Variants in IMP4 observed in about 807,000 individuals in gnomAD.
IMP4 encodes the protein IMP U3 small nucleolar ribonucleoprotein 4, also known as U3 small nucleolar ribonucleoprotein IMP4.
In IMP4, 30 loss-of-function variants were observed where a neutral mutation model predicts 42.7. The ratio of observed to expected loss-of-function variants is 0.70; its 90% CI spans 0.53 to 0.95. IMP4 has a LOEUF of 0.95. Ranked by LOEUF, IMP4 falls within the 40% of genes least tolerant of loss-of-function variation. The pLI is 0.00. For synonymous variants in IMP4, 165 were observed against 165.2 expected (o/e 1.00, Z 0.01); for missense variants, 382 against 411.4 (o/e 0.93, Z 0.62).
chr2:130,346,709 C>T lies in IMP4; in HGVS notation c.*241C>T, dbSNP rs913882573. ...GGGTGGGGACCTGATGGCTGTGGGA[C>T]GTGCTTGGGCCTGGAGTCAGTGTGG... On this transcript the variant is annotated 3_prime_UTR_variant, in exon 9 of 9. Coordinates refer to ENST00000259239, the MANE Select transcript of IMP4 (RefSeq NM_033416.3). 6.6e-5 allele frequency: 38 copies of T among 577,036 alleles called. 1 individual carries two copies. The East Asian group carries it at 8.8e-4, about 13-fold the overall frequency. 35.7% of individuals were successfully genotyped at this position (577,036 alleles called of 1,614,324 possible).
In IMP4 at chr2:130,343,237, C is replaced by T. The variant is rs761179766; in HGVS notation, c.112+43C>T. 9 of 1,316,616 alleles carry T rather than the reference C, an allele frequency of 6.8e-6. No individual in the cohort carries two copies. In the South Asian group the frequency reaches 1.0e-4, roughly 15 times the overall value. 81.6% of individuals were successfully genotyped at this position (1,316,616 alleles called of 1,614,324 possible). A position where few individuals can be genotyped will look rare whatever the true frequency, so the allele number is the denominator to read the frequency against. ...CGGGCGTCTGCGTGGTAAACCACCC[C>T]GGCACGCATTTGTGTTCGAATATCC... On this transcript the variant is annotated intron_variant, in intron 2 of 8. Coordinates refer to ENST00000259239, the MANE Select transcript of IMP4 (RefSeq NM_033416.3).
At position 130,345,815 on chromosome 2, in the gene IMP4, C is replaced by T. The variant is rs759884490; in HGVS notation, c.476C>T (p.Thr159Ile). 27 of 1,613,932 alleles carry T rather than the reference C, an allele frequency of 1.7e-5. No individual in the cohort carries two copies. In the South Asian group the frequency reaches 2.9e-4, roughly 17 times the overall value. ...GTCAGCCACCTGCCCTTTGGTCCTACTGCCTACTTCACGCTGTGCAATGTG... is the reference window on the plus strand; with the variant it reads ...GTCAGCCACCTGCCCTTTGGTCCTATTGCCTACTTCACGCTGTGCAATGTG... Reference protein sequence around the residue: ...LIVSHLPFGPTAYFTLCNVVM... With the variant: ...LIVSHLPFGPIAYFTLCNVVM... Residue 159 changes from threonine to isoleucine, a missense_variant, in exon 6 of 9, where the codon ACT (threonine) becomes ATT (isoleucine). By Grantham distance (89) the Thr-to-Ile change is moderately conservative (BLOSUM62 -1). Coordinates refer to ENST00000259239, the MANE Select transcript of IMP4 (RefSeq NM_033416.3). The surrounding 1 kb of genome is among the most constrained non-coding windows in gnomAD (Gnocchi z 4.9).
intron 3 of IMP4, 112 bp downstream of exon 3, chr2:130,344,824 A>C: frequency 1.3e-6 from 1 of 762,698 alleles, no homozygotes; most frequent in Non-Finnish European, 2.3e-6. Flanking sequence ...ACTGTCCCCC[A>C]TGCCCTTGTC....
Position 130,342,998 on chromosome 2 carries a change from G to A in IMP4, c.3+63G>A, listed in dbSNP as rs376402689. The A allele has an allele frequency of 6.6e-4, 1,061 of 1,613,044 alleles. 11 individuals carry two copies. The South Asian group carries it at 7.2e-3, about 11-fold the overall frequency. ...CGTGAAGTGCTGGGGATGTGGCTCT[G>A]GGGACTTGGAGGCTCAGCGGCTCCG... On this transcript the variant is annotated intron_variant, in intron 1 of 8. Coordinates refer to ENST00000259239, the MANE Select transcript of IMP4 (RefSeq NM_033416.3).
intron 2 of IMP4, among the ~76,000 whole-genome samples, chr2:130,343,970 T>G (rs1341845064): frequency 6.6e-6 from 1 of 152,208 alleles, no homozygotes; most frequent in Non-Finnish European, 1.5e-5. Flanking sequence ...GGTTTTGCTG[T>G]CTGAGAGCTT....
rs1028753709 is a variant in IMP4 at position 130,347,896 on chromosome 2, C to T, written c.*1428C>T. The T allele has an allele frequency of 6.6e-6, 1 of 152,252 alleles. No individual in the cohort carries two copies. The highest frequency in any genetic ancestry group is 2.4e-5 in the African/African-American group (1 of 41,444). The allele number at this position is 152,252 out of a possible 1,614,324, so 9.4% of individuals were successfully genotyped here. ...GATACATGGTTTGCAAATAGTTTTT[C>T]CCACTCTGTAGATATAGCCATTGAG... On this transcript the variant is annotated 3_prime_UTR_variant, in exon 9 of 9. Transcript: ENST00000259239.
chr2:130,343,776 T>C (rs1051141437), intron 2 of IMP4, among the ~76,000 whole-genome samples: 7 of 151,386 alleles, frequency 4.6e-5, no homozygotes, highest in African/African-American at 7.3e-5. Context: ...CTAAAGACTA[T>C]CTGGATAGCG....
chr2:130,344,552 A>G (rs1679362601), intron 2 of IMP4, 77 bp from the exon 3 acceptor site: 9 of 916,938 alleles, frequency 9.8e-6, no homozygotes, highest in Non-Finnish European at 1.5e-5. Context: ...TGTGCAGGCT[A>G]ATAAGCTGTG....
At position 130,343,026 on chromosome 2, in the gene IMP4, G is replaced by T. The variant is rs61744776; in HGVS notation, c.4-60G>T. The T allele has an allele frequency of 5.3e-4, 848 of 1,606,730 alleles. 4 individuals are homozygous for T. In the African/African-American group the frequency reaches 9.8e-3, roughly 19 times the overall value. On this transcript the variant is annotated intron_variant, in intron 1 of 8. Transcript: ENST00000259239. ...GACTTGGAGGCTCAGCGGCTCCGGG[G>T]CTCCGGGGTTCCGGGGCTCGGGAGC... is the stretch of plus-strand genomic sequence containing the variant.
intron 1 of IMP4, 48 bp from the exon 2 acceptor site, chr2:130,343,038 C>T (rs746966091): frequency 1.9e-6 from 3 of 1,603,304 alleles, no homozygotes; most frequent in Admixed American, 1.7e-5. Context: ...TCCGGGGTTC[C>T]GGGGCTCGGG....
rs1179498111 is a variant in IMP4 at position 130,346,690 on chromosome 2, G to A, written c.*222G>A. 1.2e-5 allele frequency: 7 copies of A among 592,930 alleles called. No homozygotes were observed. Among genetic ancestry groups the A allele is most frequent in the Admixed American group, 5.8e-5 (2 of 34,254 alleles). The allele number at this position is 592,930 out of a possible 1,614,324, so 36.7% of individuals were successfully genotyped here. The stretch of plus-strand genomic sequence containing the variant: ...AAGCCCATGGGATCCCTTTGGGTGG[G>A]GACCTGATGGCTGTGGGACGTGCTT... On this transcript the variant is annotated 3_prime_UTR_variant, in exon 9 of 9. Coordinates refer to ENST00000259239, the MANE Select transcript of IMP4 (RefSeq NM_033416.3).
Position 130,346,337 on chromosome 2 carries a change from A to G in IMP4, c.764-19A>G. 4 of 1,602,036 alleles carry G rather than the reference A, an allele frequency of 2.5e-6. No individual in the cohort carries two copies. The highest frequency in any genetic ancestry group is 3.4e-6 in the Non-Finnish European group (4 of 1,174,048). ...GGGGAGGCTGGCTGTGCCGGGGCTGATGCCATCCCTGCCTGCAGTGTACAT... is the reference window on the plus strand; with the variant it reads ...GGGGAGGCTGGCTGTGCCGGGGCTGGTGCCATCCCTGCCTGCAGTGTACAT... On this transcript the variant is annotated intron_variant, in intron 8 of 8. Transcript: ENST00000259239.
rs1573831463 is a variant in IMP4 at position 130,342,994 on chromosome 2, C to T, written c.3+59C>T. ...GGCGCGTGAAGTGCTGGGGATGTGG[C>T]TCTGGGGACTTGGAGGCTCAGCGGC... On this transcript the variant is annotated intron_variant, in intron 1 of 8. Coordinates refer to ENST00000259239, the MANE Select transcript of IMP4 (RefSeq NM_033416.3). 5 of 1,613,026 alleles carry T rather than the reference C, an allele frequency of 3.1e-6. No individual in the cohort carries two copies. In the East Asian group the frequency reaches 8.9e-5, roughly 29 times the overall value.
rs1573846199 is a variant in IMP4 at position 130,346,856 on chromosome 2, A to C, written c.*388A>C. On this transcript the variant is annotated 3_prime_UTR_variant, in exon 9 of 9. Transcript: ENST00000259239. The stretch of plus-strand genomic sequence containing the variant: ...GTGTCAGGGGCAGCCCACCAAGTTA[A>C]CTCACTGAGTGGAAGCCGCCAGTGT... 7.4e-6 allele frequency: 2 copies of C among 271,234 alleles called. No individual in the cohort carries two copies. The highest frequency in any genetic ancestry group is 1.5e-5 in the Non-Finnish European group (2 of 137,872). The allele number at this position is 271,234 out of a possible 1,614,324, so 16.8% of individuals were successfully genotyped here.
At position 130,346,627 on chromosome 2, in the gene IMP4, C is replaced by G; in HGVS notation, c.*159C>G. The stretch of plus-strand genomic sequence containing the variant: ...GAATAAACCGTCTGTGTCATGGCCC[C>G]GCCTGCCTCTGAGTGGTCAGGCCAA... On this transcript the variant is annotated 3_prime_UTR_variant, in exon 9 of 9. Coordinates refer to ENST00000259239, the MANE Select transcript of IMP4 (RefSeq NM_033416.3). The G allele has an allele frequency of 1.5e-6, 1 of 659,884 alleles. No homozygotes were observed. The highest frequency in any genetic ancestry group is 2.7e-6 in the Non-Finnish European group (1 of 373,764). The allele number at this position is 659,884 out of a possible 1,614,324, so 40.9% of individuals were successfully genotyped here.
chr2:130,345,747 C>T lies in IMP4; in HGVS notation c.440-32C>T, dbSNP rs777348336. The T allele has an allele frequency of 9.3e-6, 15 of 1,612,410 alleles. No individual in the cohort carries two copies. The highest frequency in any genetic ancestry group is 2.2e-5 in the South Asian group (2 of 91,070). ...GGGGTGGGAGCCGTCTGAGGGCAGA[C>T]GGGGTCTCTGACAGCCACCTTTCCC... On this transcript the variant is annotated intron_variant, in intron 5 of 8. Coordinates refer to ENST00000259239, the MANE Select transcript of IMP4 (RefSeq NM_033416.3). This position sits in a 1 kb window ranked among gnomAD's most constrained non-coding sequence, Gnocchi z 4.9.
chr2:130,345,694 C>T lies in IMP4; in HGVS notation c.434C>T (p.Thr145Ile), dbSNP rs1363331801. The change falls in exon 5 of 9, where the codon ACA becomes ATA. Residue 145 changes from threonine to isoleucine, a missense_variant. By Grantham distance (89) the Thr-to-Ile change is moderately conservative. Transcript: ENST00000259239. The surrounding 1 kb of genome is among the most constrained non-coding windows in gnomAD (Gnocchi z 4.9). ...CTGGTCGTTCACGAGCATCGGGGCA[C>T]ACCTGGTAAGGCCGGAGGGAGGGAG... The part of the protein sequence containing the change: ...DLLVVHEHRG[T>I]PVGLIVSHLP... The T allele has an allele frequency of 2.5e-6, 4 of 1,613,800 alleles. No individual in the cohort carries two copies. The highest frequency in any genetic ancestry group is 1.6e-4 in the Middle Eastern group (1 of 6,062).
intron 2 of IMP4, 54 bp downstream of exon 2, chr2:130,343,248 T>C (rs1679183495): frequency 8.3e-7 from 1 of 1,210,714 alleles, no homozygotes; most frequent in Non-Finnish European, 1.2e-6. Context: ...GGCACGCATT[T>C]GTGTTCGAAT....
rs1211542923 is a variant in IMP4 at position 130,345,136 on chromosome 2, G to A, written c.197-240G>A. 3.4e-6 allele frequency: 2 copies of A among 584,128 alleles called. No individual in the cohort carries two copies. The highest frequency in any genetic ancestry group is 6.1e-6 in the Non-Finnish European group (2 of 326,856). The allele number at this position is 584,128 out of a possible 1,614,324, so 36.2% of individuals were successfully genotyped here. On this transcript the variant is annotated intron_variant, in intron 3 of 8. Transcript: ENST00000259239. This position sits in a 1 kb window ranked among gnomAD's most constrained non-coding sequence, Gnocchi z 4.9. ...CGTTGTGTAATGGAGTAGCTGCTTA[G>A]CCCCATGTGACTAATATAGCTTAAG...
Sources: allele counts gnomAD v4.1 joint callset (sites outside exome capture counted in the v4.1 genomes callset), GRCh38; gene constraint gnomAD v4.1.1; non-coding constraint Gnocchi (gnomAD v3.1); transcripts MANE v1.5; gene names NCBI Gene and HGNC (gene_info 2026-07-23, HGNC 2026-07-21).